The following SPATA16 variants were observed in gnomAD, a reference collection of about 807,000 sequenced individuals.
The protein encoded by SPATA16 is spermatogenesis-associated protein 16.
In SPATA16, 36 loss-of-function variants were observed where a neutral mutation model predicts 63.3. The ratio of observed to expected loss-of-function variants is 0.57; its 90% CI spans 0.44 to 0.75. The LOEUF (loss-of-function observed/expected upper bound fraction) is 0.75. SPATA16 is among the 30% of genes least tolerant of loss of function. SPATA16 has a pLI of 0.00. For synonymous variants in SPATA16, 203 were observed against 216.7 expected, an observed-to-expected ratio of 0.94 and a Z score of 0.56; for missense variants, 646 against 679.3, an observed-to-expected ratio of 0.95 and a Z score of 0.54.
intron 5 of SPATA16, among the ~76,000 whole-genome samples, chr3:172,958,444 G>A (rs1733653619): frequency 6.6e-6 from 1 of 152,182 alleles, no homozygotes; most frequent in African/African-American, 2.4e-5. Context: ...CTGATCCTGG[G>A]ATGGCCTGTC....
intron 4 of SPATA16, among the ~76,000 whole-genome samples, chr3:172,977,729 A>G (rs1734197805): frequency 6.6e-6 from 1 of 152,144 alleles, no homozygotes; most frequent in African/African-American, 2.4e-5. Context: ...TTTCTCTGCT[A>G]GGTCTCTCTA....
At chr3:172,940,266 T>C (rs1313866784) in intron 6 of SPATA16, among the ~76,000 whole-genome samples, 1 of 152,216 alleles carries the variant, frequency 6.6e-6, no homozygotes, top group African/African-American at 2.4e-5. Context: ...ATCAGAAGTA[T>C]TGCAACTGGT....
chr3:172,995,490 T>G (rs1443058359), intron 4 of SPATA16, among the ~76,000 whole-genome samples: 7 of 152,044 alleles, frequency 4.6e-5, no homozygotes, highest in Non-Finnish European at 7.4e-5. Context: ...AGGATAAGCT[T>G]CAGAAGCTAA....
At chr3:173,027,962 A>G (rs188527619) in intron 3 of SPATA16, among the ~76,000 whole-genome samples, 19 of 125,896 alleles carry the variant, frequency 1.5e-4, no homozygotes, top group African/African-American at 5.2e-4. Flanking sequence ...ATTAGGGAAC[A>G]AATTTATTTT....
At chr3:172,935,574 G>C (rs1280543365) in intron 6 of SPATA16, among the ~76,000 whole-genome samples, 1 of 152,150 alleles carries the variant, frequency 6.6e-6, no homozygotes, top group Non-Finnish European at 1.5e-5. Context: ...ACGTTAGAAG[G>C]AAAAGGTAAG....
At chr3:173,076,214 G>A (rs1010373175) in intron 2 of SPATA16, among the ~76,000 whole-genome samples, 2 of 151,890 alleles carry the variant, frequency 1.3e-5, no homozygotes, top group African/African-American at 2.4e-5. Flanking sequence ...GGCATGTCTC[G>A]CTATCTTTTA....
intron 6 of SPATA16, among the ~76,000 whole-genome samples, chr3:172,934,906 T>C (rs1732945970): frequency 6.6e-6 from 1 of 152,184 alleles, no homozygotes; most frequent in Admixed American, 6.5e-5. Flanking sequence ...ACTTTTAATC[T>C]GTTTTATTCC....
chr3:173,041,296 C>T (rs903134217), intron 3 of SPATA16, among the ~76,000 whole-genome samples: 17 of 152,296 alleles, frequency 1.1e-4, no homozygotes, highest in African/African-American at 4.1e-4. Context: ...CATGGGCACA[C>T]ACACAGACTG....
chr3:173,092,426 A>G (rs1039260977), intron 2 of SPATA16, among the ~76,000 whole-genome samples: 14 of 152,220 alleles, frequency 9.2e-5, no homozygotes, highest in African/African-American at 3.4e-4. Context: ...GCAAAGGAGA[A>G]TGAAAGCTGC....
intron 10 of SPATA16, among the ~76,000 whole-genome samples, chr3:172,906,774 C>T (rs1465990989): frequency 6.6e-6 from 1 of 152,132 alleles, no homozygotes; most frequent in African/African-American, 2.4e-5. Flanking sequence ...CAAAGTCTCG[C>T]TCTGTTGCCC....
At chr3:173,024,309 A>G (rs2108279598) in intron 3 of SPATA16, among the ~76,000 whole-genome samples, 1 of 151,806 alleles carries the variant, frequency 6.6e-6, no homozygotes, top group African/African-American at 2.4e-5. Context: ...TAAATTTTTT[A>G]GAAAAAGAAT....
rs59766048 is a variant in SPATA16, at chr3:172,969,870, G to A, written c.933+7098C>T. ...GGCTTAAAATGTGCTTATATGGTTTGGCTTTCTCTCTTGGAATCCTGCATT... is the reference window on the plus strand; with the variant it reads ...GGCTTAAAATGTGCTTATATGGTTTAGCTTTCTCTCTTGGAATCCTGCATT... On this transcript the variant is annotated intron_variant, in intron 5 of 10. Coordinates refer to ENST00000351008, the MANE Select transcript of SPATA16 (RefSeq NM_031955.6). Among the ~76,000 whole-genome samples the A allele has an allele frequency of 2.7e-3, 418 of 152,228 alleles. 3 individuals carry two copies. Among genetic ancestry groups the A allele is most frequent in the African/African-American group, 9.3e-3 (388 of 41,532 alleles).
At chr3:172,927,803 T>A (rs1036815569) in intron 6 of SPATA16, among the ~76,000 whole-genome samples, 7 of 152,128 alleles carry the variant, frequency 4.6e-5, no homozygotes, top group Admixed American at 2.0e-4. Context: ...CAGTAAACAC[T>A]CTCTATCTAG....
chr3:173,059,671 T>C (rs1427001117), intron 2 of SPATA16, among the ~76,000 whole-genome samples: 1 of 152,042 alleles, frequency 6.6e-6, no homozygotes, highest in African/African-American at 2.4e-5. Context: ...TATTTAATCA[T>C]TTATGGATTA....
At chr3:172,948,689 A>G (rs1733355687) in intron 6 of SPATA16, among the ~76,000 whole-genome samples, 1 of 151,914 alleles carries the variant, frequency 6.6e-6, no homozygotes. Context: ...GCTGGTCTTG[A>G]ACTCCTGGGT....
chr3:173,084,036 C>T lies in SPATA16; in HGVS notation c.612+33084G>A, dbSNP rs529425024. On this transcript the variant is annotated intron_variant, in intron 2 of 10. Transcript: ENST00000351008. ...TGATTTATATTCCTTTGGGTGTCTA[C>T]CCAGTAATGGAATTGCTGGGTCAAA... Among the ~76,000 whole-genome samples the T allele has an allele frequency of 1.7e-4, 26 of 152,248 alleles. No individual in the cohort carries two copies. The South Asian group carries it at 5.2e-3, about 30-fold the overall frequency.
chr3:172,950,211 C>T (rs1021313111), intron 6 of SPATA16, among the ~76,000 whole-genome samples: 1 of 152,128 alleles, frequency 6.6e-6, no homozygotes, highest in African/African-American at 2.4e-5. Context: ...AGGCAAACAG[C>T]GCTGTCACCT....
At chr3:173,079,862 T>A (rs1206911789) in intron 2 of SPATA16, among the ~76,000 whole-genome samples, 3 of 152,148 alleles carry the variant, frequency 2.0e-5, no homozygotes, top group Non-Finnish European at 4.4e-5. Context: ...GTTTTTTTTT[T>A]ATTTTTAAAA....
intron 2 of SPATA16, among the ~76,000 whole-genome samples, chr3:173,061,569 T>C (rs933856813): frequency 1.3e-5 from 2 of 152,234 alleles, no homozygotes; most frequent in African/African-American, 2.4e-5. Flanking sequence ...TTAAAATTTC[T>C]TTTCAGATAT....
Sources: allele counts gnomAD v4.1 joint callset (sites outside exome capture counted in the v4.1 genomes callset), GRCh38; gene constraint gnomAD v4.1.1; transcripts MANE v1.5; gene names NCBI Gene and HGNC (gene_info 2026-07-23, HGNC 2026-07-21).